NOMO1: variants seen among roughly 807,000 people sequenced by gnomAD.
NOMO1 encodes nodal modulator 3.
Under a neutral mutation model 133.8 loss-of-function variants are expected in NOMO1, and 40 were observed. The observed-to-expected ratio is 0.30, with a 90% CI of 0.23 to 0.39. The LOEUF (loss-of-function observed/expected upper bound fraction) is 0.39, where lower values mean the gene tolerates loss of function less well. Ranked by LOEUF, NOMO1 falls within the 10% of genes least tolerant of loss-of-function variation. The pLI, the probability that NOMO1 is intolerant of heterozygous loss-of-function variation, is 1.00. For missense variants in NOMO1, 462 were observed against 1,419.9 expected, an observed-to-expected ratio of 0.33 and a Z score of 10.84; for synonymous variants, 236 against 570.5, an observed-to-expected ratio of 0.41 and a Z score of 8.36.
At chr16:14,835,268 A>AAGAGGTC (rs1963487887) in intron 1 of NOMO1, among the ~76,000 whole-genome samples, 2 of 150,490 alleles carry the variant, frequency 1.3e-5, no homozygotes, top group Admixed American at 1.3e-4. Flanking sequence ...TTTCAGACTG[A>AAGAGGTC]AGAGGTCAGA....
chr16:14,845,178 C>T (rs1258013931), intron 4 of NOMO1, among the ~76,000 whole-genome samples: 1 of 151,886 alleles, frequency 6.6e-6, no homozygotes, highest in African/African-American at 2.4e-5. Flanking sequence ...GCTAGGATTA[C>T]AAGTGTGTGC....
At chr16:14,852,245 AC>A (rs1469852494) in intron 6 of NOMO1, among the ~76,000 whole-genome samples, 184 bp from the exon 7 acceptor site, 1 of 148,970 alleles carries the variant, frequency 6.7e-6, no homozygotes, top group East Asian at 2.0e-4. Flanking sequence ...CCGAGGTTGC[AC>A]CATTGCACTC....
In NOMO1 at chr16:14,871,625, G is replaced by A. The variant is rs1448034726; in HGVS notation, c.1899G>A (p.Val633=). The A allele has an allele frequency of 4.3e-6, 7 of 1,610,874 alleles. No individual in the cohort carries two copies. The South Asian group carries it at 7.7e-5, about 18-fold the overall frequency. Residue 633 remains valine (V), a synonymous_variant, in exon 17 of 31, where the codon GTG becomes GTA. Coordinates refer to ENST00000287667, the MANE Select transcript of NOMO1 (RefSeq NM_014287.4). ...CTTTTGATTTCCTGTCTGTAGGTGT[G>A]TACAAAGTGACCCCTCGCTCCTGCC... ...VNRFCLSKPG[V]YKVTPRSCHR...
chr16:14,857,566 C>G lies in NOMO1; in HGVS notation c.1131C>G (p.Ile377Met), dbSNP rs1268158290. 34 of 1,611,932 alleles carry G rather than the reference C, an allele frequency of 2.1e-5. No homozygotes were observed. Among genetic ancestry groups the G allele is most frequent in the Non-Finnish European group, 2.7e-5 (32 of 1,179,278 alleles). ...ACATAACCACAGGGACATACACCAT[C>G]CATGCTCAGAAAGAGCACCTCTACT... is the stretch of plus-strand genomic sequence containing the variant. ...LENITTGTYT[I>M]HAQKEHLYFE... The change falls in exon 11 of 31, where the codon ATC becomes ATG. Residue 377 changes from isoleucine (I) to methionine (M), a missense_variant. Coordinates refer to ENST00000287667, the MANE Select transcript of NOMO1 (RefSeq NM_014287.4).
At chr16:14,877,840 T>C (rs1336024444) in intron 22 of NOMO1, among the ~76,000 whole-genome samples, 2 of 147,140 alleles carry the variant, frequency 1.4e-5, no homozygotes, top group African/African-American at 5.1e-5. Context: ...TGCAATTAGA[T>C]AGTATCTTTC....
In NOMO1 at chr16:14,853,517, C is replaced by G. The variant is rs371288947; in HGVS notation, c.786C>G (p.Asp262Glu). 1 of 1,600,712 alleles carries G rather than the reference C, an allele frequency of 6.2e-7. No homozygotes were observed. Among genetic ancestry groups the G allele is most frequent in the Admixed American group, 1.7e-5 (1 of 58,786 alleles). The change falls in exon 8 of 31, where the codon GAC becomes GAG. Residue 262 changes from aspartate to glutamate, a missense_variant. Asp to Glu is a conservative substitution (Grantham distance 45). Coordinates refer to ENST00000287667, the MANE Select transcript of NOMO1 (RefSeq NM_014287.4). ...VSPVPGFQPQ[D>E]ESLVYLCYTV... Reference sequence around the variant, plus strand: ...CAGTGCCTGGGTTCCAGCCCCAAGACGAGAGTCTGGTGTATTTGTGCTACA... The same window carrying G: ...CAGTGCCTGGGTTCCAGCCCCAAGAGGAGAGTCTGGTGTATTTGTGCTACA...
chr16:14,862,114 C>T (rs911266245), intron 11 of NOMO1, among the ~76,000 whole-genome samples: 2 of 151,584 alleles, frequency 1.3e-5, no homozygotes, highest in Non-Finnish European at 2.9e-5. Flanking sequence ...TTAATGTACC[C>T]CTAATTGTCA....
chr16:14,859,610 T>C (rs1206833003), intron 11 of NOMO1, among the ~76,000 whole-genome samples: 2 of 151,362 alleles, frequency 1.3e-5, no homozygotes, highest in Admixed American at 1.3e-4. Context: ...AGCCCAGGAG[T>C]TTGAGACCAG....
At position 14,838,503 on chromosome 16, in the gene NOMO1, G is replaced by A. The variant is rs750357613; in HGVS notation, c.255+7G>A. The A allele has an allele frequency of 3.7e-6, 6 of 1,611,738 alleles. No homozygotes were observed. The highest frequency in any genetic ancestry group is 1.7e-5 in the Admixed American group (1 of 59,990). On this transcript the variant is annotated splice_region_variant and intron_variant, in intron 2 of 30. Transcript: ENST00000287667. ...GATCCCTTTGTATGATAAGGTAAGA[G>A]GGGACTGCTTGTCACTTATGATGGG...
chr16:14,851,097 A>G (rs1332341215), intron 6 of NOMO1, among the ~76,000 whole-genome samples: 1 of 149,630 alleles, frequency 6.7e-6, no homozygotes, highest in Non-Finnish European at 1.5e-5. Flanking sequence ...AAAAAAAAAA[A>G]AAAATTTATT....
intron 2 of NOMO1, among the ~76,000 whole-genome samples, chr16:14,841,027 A>AG (rs1397036976): frequency 2.6e-5 from 4 of 151,092 alleles, no homozygotes; most frequent in Non-Finnish European, 5.9e-5. Flanking sequence ...GTGCAACTGT[A>AG]GGCATGTGAG....
chr16:14,860,059 G>A (rs1963899464), intron 11 of NOMO1, among the ~76,000 whole-genome samples: 1 of 151,828 alleles, frequency 6.6e-6, no homozygotes, highest in Non-Finnish European at 1.5e-5. Context: ...CTAATGCAGT[G>A]GAAACCCGTT....
intron 3 of NOMO1, among the ~76,000 whole-genome samples, 185 bp downstream of exon 3, chr16:14,841,592 AC>A (rs1206081951): frequency 7.2e-6 from 1 of 138,022 alleles, no homozygotes; most frequent in Non-Finnish European, 1.6e-5. Context: ...ACCTTAATCT[AC>A]CTTAAGACTT....
At chr16:14,842,635 T>C (rs1275120136) in intron 3 of NOMO1, among the ~76,000 whole-genome samples, 2 of 152,000 alleles carry the variant, frequency 1.3e-5, no homozygotes, top group African/African-American at 4.8e-5. Context: ...GATGATAAGA[T>C]AGCACTTCAC....
chr16:14,885,072 G>C (rs1249686032), intron 27 of NOMO1, among the ~76,000 whole-genome samples: 1 of 152,000 alleles, frequency 6.6e-6, no homozygotes, highest in Non-Finnish European at 1.5e-5. Flanking sequence ...TTGGGGCATG[G>C]TGCCACACAC....
intron 5 of NOMO1, 133 bp downstream of exon 5, chr16:14,846,816 G>T: frequency 1.3e-6 from 2 of 1,537,148 alleles, no homozygotes; most frequent in Non-Finnish European, 1.8e-6. Context: ...GTGAGTTCAT[G>T]CCCGTCAGAG....
Position 14,868,449 on chromosome 16 carries a change from T to C in NOMO1, c.1807-99T>C, listed in dbSNP as rs569935371. 4.6e-4 allele frequency: 317 copies of C among 692,980 alleles called. 4 individuals carry two copies. The East Asian group carries it at 7.7e-3, about 17-fold the overall frequency. 42.9% of individuals were successfully genotyped at this position (692,980 alleles called of 1,614,324 possible). A position where few individuals can be genotyped will look rare whatever the true frequency, so the allele number is the denominator to read the frequency against. On this transcript the variant is annotated intron_variant, in intron 15 of 30. Coordinates refer to ENST00000287667, the MANE Select transcript of NOMO1 (RefSeq NM_014287.4). ...GGCACCCAACTGCTCCAATGATTAA[T>C]GGGCAAAACAGATGACTGGTTTGGA...
intron 22 of NOMO1, among the ~76,000 whole-genome samples, chr16:14,878,111 C>T (rs574786478): frequency 4.4e-4 from 67 of 151,656 alleles, no homozygotes; most frequent in Non-Finnish European, 9.4e-4. Flanking sequence ...TATAACATGC[C>T]ATTTTTATTT....
intron 2 of NOMO1, among the ~76,000 whole-genome samples, chr16:14,840,557 A>T (rs1377549299): frequency 6.9e-6 from 1 of 145,312 alleles, no homozygotes; most frequent in Non-Finnish European, 1.5e-5. Flanking sequence ...ACTTCACTCC[A>T]GCCTGGGCAA....
Sources: gnomAD v4.1 joint callset for allele counts (sites outside exome capture counted in the v4.1 genomes callset) on GRCh38, gnomAD v4.1.1 for gene constraint, MANE v1.5 for transcripts, NCBI Gene and HGNC (gene_info 2026-07-23, HGNC 2026-07-21) for gene names.